GABRB3: variants seen among roughly 807,000 people sequenced by gnomAD.
GABRB3 encodes the protein gamma-aminobutyric acid type A receptor subunit beta3, also known as gamma-aminobutyric acid receptor subunit beta-3.
In GABRB3, 14 loss-of-function variants were observed where a neutral mutation model predicts 52.1. The observed-to-expected ratio is 0.27, with a 90% CI of 0.18 to 0.42. The LOEUF is 0.42. Ranked by LOEUF, GABRB3 falls within the 10% of genes least tolerant of loss-of-function variation. The pLI, the probability that GABRB3 is intolerant of heterozygous loss-of-function variation, is 1.00. For missense variants in GABRB3, 307 were observed against 609.1 expected (o/e 0.50, Z 5.22); for synonymous variants, 260 against 232.3 (o/e 1.12, Z -1.08).
chr15:26,607,604 A>G (rs552432345), intron 4 of GABRB3, among the ~76,000 whole-genome samples: 1 of 152,106 alleles, frequency 6.6e-6, no homozygotes, highest in African/African-American at 2.4e-5. Context: ...AAAACAAAAC[A>G]AAACAAAACA....
chr15:26,685,248 C>T (rs559702732), intron 3 of GABRB3, among the ~76,000 whole-genome samples: 55 of 152,328 alleles, frequency 3.6e-4, no homozygotes, highest in East Asian at 7.7e-4. Context: ...TTCCTCTCAG[C>T]TCGTCTTCTC....
Position 26,546,154 on chromosome 15 carries a change from G to A in GABRB3, c.*1639C>T, listed in dbSNP as rs1212666877. On this transcript the variant is annotated 3_prime_UTR_variant, in exon 9 of 9. Transcript: ENST00000311550. ...GGCATACGTGGCATTTTGGGATAAA[G>A]TATTAATTTAGCAGTTCTTCCTGCA... is the stretch of plus-strand genomic sequence containing the variant. 1.3e-5 allele frequency: 2 copies of A among 152,518 alleles called. No individual in the cohort carries two copies. The highest frequency in any genetic ancestry group is 4.8e-5 in the African/African-American group (2 of 41,428). 9.4% of individuals were successfully genotyped at this position (152,518 alleles called of 1,614,324 possible).
chr15:26,673,753 G>A lies in GABRB3; in HGVS notation c.241-52219C>T, dbSNP rs148347663. 7.9e-4 allele frequency among the ~76,000 whole-genome samples: 120 copies of A among 152,250 alleles called. 2 individuals are homozygous for A. The highest frequency in any genetic ancestry group is 2.6e-3 in the African/African-American group (108 of 41,550). Reference sequence around the variant, plus strand: ...ACTCTTCACGGCAGATGCCCATCACGCATAAATCTAGAAATGCACCAGAGT... The same window carrying A: ...ACTCTTCACGGCAGATGCCCATCACACATAAATCTAGAAATGCACCAGAGT... On this transcript the variant is annotated intron_variant, in intron 3 of 8. Transcript: ENST00000311550.
intron 3 of GABRB3, among the ~76,000 whole-genome samples, chr15:26,722,659 G>C (rs1479169780): frequency 6.6e-6 from 1 of 152,230 alleles, no homozygotes; most frequent in Non-Finnish European, 1.5e-5. Context: ...TGACTTTATA[G>C]ATAGGGAAAC....
intron 8 of GABRB3, among the ~76,000 whole-genome samples, chr15:26,554,162 TA>T (rs1567097418): frequency 4.8e-3 from 64 of 13,390 alleles, no homozygotes; most frequent in Non-Finnish European, 7.2e-3. Flanking sequence ...ATATATAAAG[TA>T]TATATATATA....
At chr15:26,606,769 T>TATCG (rs748128118) in intron 4 of GABRB3, among the ~76,000 whole-genome samples, 38,497 of 106,770 alleles carry the variant, frequency 0.36, 7,312 homozygotes, top group Middle Eastern at 0.51. Flanking sequence ...TCTGTCTATC[T>TATCG]ATAGATAGAT....
chr15:26,772,495 T>A, intron 2 of GABRB3, 26 bp from the exon 3 acceptor site: 1 of 1,606,080 alleles, frequency 6.2e-7, no homozygotes, highest in Non-Finnish European at 8.5e-7. Flanking sequence ...GACACGGCGA[T>A]CAGCCCAGCT....
chr15:26,768,186 C>T (rs555027040), intron 3 of GABRB3, among the ~76,000 whole-genome samples: 1 of 152,018 alleles, frequency 6.6e-6, no homozygotes, highest in Non-Finnish European at 1.5e-5. Flanking sequence ...TATTTATACA[C>T]ATGAAATGAG....
intron 3 of GABRB3, among the ~76,000 whole-genome samples, chr15:26,700,617 T>C (rs940587932): frequency 6.6e-6 from 1 of 152,224 alleles, no homozygotes; most frequent in Non-Finnish European, 1.5e-5. Flanking sequence ...GGATAATATA[T>C]CTTGACCAAG....
At chr15:26,602,149 TAAG>T (rs955321164) in intron 4 of GABRB3, among the ~76,000 whole-genome samples, 1 of 151,914 alleles carries the variant, frequency 6.6e-6, no homozygotes, top group Non-Finnish European at 1.5e-5. Context: ...ACAAAACATA[TAAG>T]AAGAGACAAA....
intron 4 of GABRB3, among the ~76,000 whole-genome samples, chr15:26,599,049 G>C (rs1401831361): frequency 1.3e-5 from 2 of 152,108 alleles, no homozygotes; most frequent in African/African-American, 4.8e-5. Flanking sequence ...AGCTAGACCA[G>C]CTTGACCCAG....
In GABRB3 at chr15:26,573,957, G is replaced by A. The variant is rs148788400; in HGVS notation, c.683-6224C>T. Among the ~76,000 whole-genome samples, 3 of 152,166 alleles carry A rather than the reference G, an allele frequency of 2.0e-5. No individual in the cohort carries two copies. The East Asian group carries it at 5.8e-4, about 29-fold the overall frequency. On this transcript the variant is annotated intron_variant, in intron 6 of 8. Transcript: ENST00000311550. ...TCCTAGGTACTTAGGAGTCTGAGAT[G>A]AGAGGATCTCTTGAGCCCAGGAGAT... is the stretch of plus-strand genomic sequence containing the variant.
At position 26,580,421 on chromosome 15, in the gene GABRB3, G is replaced by A. The variant is rs1555368345; in HGVS notation, c.580C>T (p.Arg194Ter). 1 of 1,614,090 alleles carries A rather than the reference G, an allele frequency of 6.2e-7. No homozygotes were observed. Among genetic ancestry groups the A allele is most frequent in the Non-Finnish European group, 8.5e-7 (1 of 1,180,018 alleles). Residue 194 changes from arginine to a stop codon, truncating the protein, a stop_gained, in exon 6 of 9, where the codon CGA (arginine) becomes TGA (stop). Coordinates refer to ENST00000311550, the MANE Select transcript of GABRB3 (RefSeq NM_000814.6). LOFTEE classifies it high-confidence loss of function. ...YTTDDIEFYW[R>*]GGDKAVTGVE... ...CCGGTAACAGCCTTGTCCCCGCCTC[G>A]CCAGTAAAACTCAATGTCATCCGTG...
intron 3 of GABRB3, among the ~76,000 whole-genome samples, chr15:26,726,201 C>T (rs745744882): frequency 1.3e-5 from 2 of 151,560 alleles, no homozygotes; most frequent in Non-Finnish European, 2.9e-5. Flanking sequence ...AAATTTTCCA[C>T]TTGTTGGTAT....
chr15:26,629,911 A>G (rs1171817115), intron 3 of GABRB3, among the ~76,000 whole-genome samples: 1 of 152,014 alleles, frequency 6.6e-6, no homozygotes, highest in African/African-American at 2.4e-5. Flanking sequence ...GCACCCTGAG[A>G]ACGTTTGGCT....
At chr15:26,735,955 C>CA (rs34968150) in intron 3 of GABRB3, among the ~76,000 whole-genome samples, 5,088 of 72,048 alleles carry the variant, frequency 0.071, 85 homozygotes, top group Middle Eastern at 0.11. Flanking sequence ...ACCTTGTCTT[C>CA]AAAAAAAAAA....
At chr15:26,586,221 G>A (rs1302092776) in intron 4 of GABRB3, among the ~76,000 whole-genome samples, 1 of 151,858 alleles carries the variant, frequency 6.6e-6, no homozygotes, top group Non-Finnish European at 1.5e-5. Flanking sequence ...GGATGGTCTC[G>A]ATCTCCTGAC....
At chr15:26,738,029 G>A (rs375465448) in intron 3 of GABRB3, among the ~76,000 whole-genome samples, 2 of 152,062 alleles carry the variant, frequency 1.3e-5, no homozygotes, top group African/African-American at 2.4e-5. Context: ...AAAATTTATC[G>A]ACTTTTTGAA....
chr15:26,693,194 G>C (rs1888638912), intron 3 of GABRB3, among the ~76,000 whole-genome samples: 1 of 152,130 alleles, frequency 6.6e-6, no homozygotes, highest in African/African-American at 2.4e-5. Flanking sequence ...ACTCTGACAA[G>C]AATCAGGTGA....
Sources: gnomAD v4.1 joint callset for allele counts (sites outside exome capture counted in the v4.1 genomes callset) on GRCh38, gnomAD v4.1.1 for gene constraint, MANE v1.5 for transcripts, NCBI Gene and HGNC (gene_info 2026-07-23, HGNC 2026-07-21) for gene names.